The following OIP5 variants were observed in gnomAD, a reference collection of about 807,000 sequenced individuals.
The protein encoded by OIP5 is Opa interacting protein 5, also known as protein Mis18-beta.
OIP5 carries 24 observed loss-of-function variants against 20.3 expected under a neutral mutation model. The ratio of observed to expected loss-of-function variants is 1.18; its 90% CI spans 0.86 to 1.66. The LOEUF is 1.66. Ranked by LOEUF, OIP5 falls within the 40% of genes most tolerant of loss-of-function variation. OIP5 has a pLI of 0.00. For missense variants in OIP5, 339 were observed against 289.5 expected, an observed-to-expected ratio of 1.17 and a Z score of -1.24; for synonymous variants, 143 against 121.3, an observed-to-expected ratio of 1.18 and a Z score of -1.17.
At position 41,332,099 on chromosome 15, in the gene OIP5, C is replaced by T. The variant is rs954428459; in HGVS notation, c.323-118G>A. ...CAGGAGACTCCCCGATTCCCTGCCC[C>T]ATCCCCAGGCCAAGGAGTTATTTGC... On this transcript the variant is annotated intron_variant, in intron 1 of 4. Transcript: ENST00000220514. 52 of 1,326,594 alleles carry T rather than the reference C, an allele frequency of 3.9e-5. No homozygotes were observed. The Middle Eastern group carries it at 5.5e-4, about 14-fold the overall frequency. The allele number at this position is 1,326,594 out of a possible 1,614,324, so 82.2% of individuals were successfully genotyped here.
At chr15:41,326,528 A>G (rs1218707412) in intron 2 of OIP5, among the ~76,000 whole-genome samples, 1 of 152,134 alleles carries the variant, frequency 6.6e-6, no homozygotes, top group African/African-American at 2.4e-5. Context: ...GGTTCAAGTG[A>G]TTCTCCTGAC....
intron 2 of OIP5, among the ~76,000 whole-genome samples, chr15:41,320,403 G>C (rs982267390): frequency 6.7e-6 from 1 of 150,194 alleles, no homozygotes; most frequent in South Asian, 2.2e-4. Flanking sequence ...TCAGCCTGCC[G>C]AGTGCCTGCG....
chr15:41,330,409 A>G (rs796286211), intron 2 of OIP5, among the ~76,000 whole-genome samples: 1 of 128,668 alleles, frequency 7.8e-6, no homozygotes, highest in Non-Finnish European at 1.6e-5. Flanking sequence ...CGTAATCAGT[A>G]TTTTTTTTTT....
intron 1 of OIP5, 64 bp downstream of exon 1, chr15:41,332,176 G>A: frequency 1.3e-6 from 2 of 1,493,794 alleles, no homozygotes; most frequent in East Asian, 2.3e-5. Flanking sequence ...GCCACCCGGT[G>A]GAGAAAGCGG....
At chr15:41,324,275 G>A (rs371423051) in intron 2 of OIP5, among the ~76,000 whole-genome samples, 4 of 152,170 alleles carry the variant, frequency 2.6e-5, no homozygotes, top group East Asian at 3.9e-4. Flanking sequence ...GATTACAGGC[G>A]TGAGCCATTG....
chr15:41,311,874 TTC>T (rs2047756849), intron 4 of OIP5, among the ~76,000 whole-genome samples: 1 of 104,024 alleles, frequency 9.6e-6, no homozygotes, highest in Non-Finnish European at 2.6e-5. Flanking sequence ...CCAATAAGAA[TTC>T]TTTTTTTTTT....
At chr15:41,313,066 T>C (rs1376819495) in intron 4 of OIP5, among the ~76,000 whole-genome samples, 1 of 152,218 alleles carries the variant, frequency 6.6e-6, no homozygotes, top group Non-Finnish European at 1.5e-5. Flanking sequence ...AGTGCAGCAG[T>C]TGAGCAGCTT....
At chr15:41,322,338 A>G (rs1320715186) in intron 2 of OIP5, among the ~76,000 whole-genome samples, 1 of 152,236 alleles carries the variant, frequency 6.6e-6, no homozygotes, top group East Asian at 1.9e-4. Context: ...CATGTGCTAA[A>G]AGCAATTTTA....
intron 4 of OIP5, among the ~76,000 whole-genome samples, chr15:41,312,627 ATTTTTTTTT>A: frequency 7.9e-6 from 1 of 127,018 alleles, no homozygotes; most frequent in East Asian, 2.3e-4. Flanking sequence ...GACCGGCTAA[ATTTTTTTTT>A]TTTTTTTTTT....
intron 3 of OIP5, among the ~76,000 whole-genome samples, chr15:41,315,633 T>G (rs2047784853): frequency 6.6e-6 from 1 of 152,140 alleles, no homozygotes; most frequent in Non-Finnish European, 1.5e-5. Flanking sequence ...TCCAACTCAT[T>G]TTAAAGATTA....
At chr15:41,312,926 C>T (rs972343950) in intron 4 of OIP5, among the ~76,000 whole-genome samples, 2 of 152,124 alleles carry the variant, frequency 1.3e-5, no homozygotes, top group Admixed American at 6.6e-5. Context: ...CCACGCCCGG[C>T]CAGGAATTCT....
At chr15:41,310,053 T>G (rs1411604880) in intron 4 of OIP5, among the ~76,000 whole-genome samples, 1 of 152,150 alleles carries the variant, frequency 6.6e-6, no homozygotes, top group Non-Finnish European at 1.5e-5. Flanking sequence ...AAATTTTCTT[T>G]GTAGAGATGG....
Position 41,326,259 on chromosome 15 carries a change from A to G in OIP5, c.389+5656T>C, listed in dbSNP as rs147052092. ...ATAAAACAAGGAAAAGAAAATTGCAATAAGTTCAGATAGTGAGATTAATGA... is the reference window on the plus strand; with the variant it reads ...ATAAAACAAGGAAAAGAAAATTGCAGTAAGTTCAGATAGTGAGATTAATGA... On this transcript the variant is annotated intron_variant, in intron 2 of 4. Transcript: ENST00000220514. Among the ~76,000 whole-genome samples, 271 of 152,354 alleles carry G rather than the reference A, an allele frequency of 1.8e-3. 1 individual carries two copies. Among genetic ancestry groups the G allele is most frequent in the African/African-American group, 5.7e-3 (236 of 41,586 alleles).
chr15:41,310,503 G>A (rs974832622), intron 4 of OIP5, among the ~76,000 whole-genome samples: 3 of 152,040 alleles, frequency 2.0e-5, no homozygotes, highest in Non-Finnish European at 4.4e-5. Context: ...GGTGGCGGGC[G>A]CCTGTAGTCC....
rs2047740144 is a variant in OIP5, at chr15:41,309,411, A to G, written c.*343T>C. The stretch of plus-strand genomic sequence containing the variant: ...AGAAGTCAACATTAAGCCCAACTCT[A>G]TTTTCAGACCAACCATGCAACTTTA... On this transcript the variant is annotated 3_prime_UTR_variant, in exon 5 of 5. Coordinates refer to ENST00000220514, the MANE Select transcript of OIP5 (RefSeq NM_007280.2). The G allele has an allele frequency of 5.5e-6, 1 of 182,078 alleles. No individual in the cohort carries two copies. Among genetic ancestry groups the G allele is most frequent in the Admixed American group, 5.9e-5 (1 of 16,942 alleles). 11.3% of individuals were successfully genotyped at this position (182,078 alleles called of 1,614,324 possible). A position where few individuals can be genotyped will look rare whatever the true frequency, so the allele number is the denominator to read the frequency against.
chr15:41,311,134 G>A (rs1008504124), intron 4 of OIP5, among the ~76,000 whole-genome samples: 28 of 152,194 alleles, frequency 1.8e-4, no homozygotes, highest in African/African-American at 5.3e-4. Flanking sequence ...TTGGTAGGCC[G>A]AGGCGGGTGG....
intron 2 of OIP5, among the ~76,000 whole-genome samples, chr15:41,330,211 C>T (rs1385155941): frequency 1.3e-5 from 2 of 151,860 alleles, no homozygotes; most frequent in Non-Finnish European, 2.9e-5. Context: ...CCTCCTCAGC[C>T]TCCTGGGATT....
intron 4 of OIP5, among the ~76,000 whole-genome samples, chr15:41,312,691 G>A (rs556695719): frequency 1.2e-3 from 179 of 147,272 alleles, no homozygotes; most frequent in African/African-American, 4.4e-3. Flanking sequence ...ATGCAGTGGC[G>A]CAATCTCAGC....
At chr15:41,321,302 G>T (rs2047825418) in intron 2 of OIP5, among the ~76,000 whole-genome samples, 1 of 149,528 alleles carries the variant, frequency 6.7e-6, no homozygotes, top group African/African-American at 2.5e-5. Flanking sequence ...AGGGAGGTGG[G>T]GGGGTCAGCC....
Sources: allele counts gnomAD v4.1 joint callset (sites outside exome capture counted in the v4.1 genomes callset), GRCh38; gene constraint gnomAD v4.1.1; transcripts MANE v1.5; gene names NCBI Gene and HGNC (gene_info 2026-07-23, HGNC 2026-07-21).